Variants in PDGFC observed in about 807,000 individuals in gnomAD.
PDGFC encodes platelet derived growth factor C, also known as platelet-derived growth factor C.
A neutral mutation model predicts 35.5 loss-of-function variants in PDGFC; 12 were observed. The observed-to-expected ratio is 0.34, with a 90% CI of 0.22 to 0.55. The LOEUF (loss-of-function observed/expected upper bound fraction) is 0.55, where lower values mean the gene tolerates loss of function less well. Among genes scored for constraint, PDGFC ranks in the 20% least tolerant of loss-of-function variants. PDGFC has a pLI of 0.91. For missense variants in PDGFC, 322 were observed against 412.4 expected, an observed-to-expected ratio of 0.78 and a Z score of 1.90; for synonymous variants, 159 against 148.8, an observed-to-expected ratio of 1.07 and a Z score of -0.50.
At position 156,762,822 on chromosome 4, in the gene PDGFC, C is replaced by T; in HGVS notation, c.*268G>A. 3.2e-6 allele frequency: 1 copy of T among 315,124 alleles called. No homozygotes were observed. Among genetic ancestry groups the T allele is most frequent in the Non-Finnish European group, 5.9e-6 (1 of 168,480 alleles). 19.5% of individuals were successfully genotyped at this position (315,124 alleles called of 1,614,324 possible). On this transcript the variant is annotated 3_prime_UTR_variant, in exon 6 of 6. Coordinates refer to ENST00000502773, the MANE Select transcript of PDGFC (RefSeq NM_016205.3). Reference sequence around the variant, plus strand: ...ACGTACATGGTAACTCTGAAACTAGCTGGTGATCTATTTAATACAACATTT... The same window carrying T: ...ACGTACATGGTAACTCTGAAACTAGTTGGTGATCTATTTAATACAACATTT...
intron 1 of PDGFC, among the ~76,000 whole-genome samples, chr4:156,954,657 T>G (rs1193318572): frequency 6.6e-6 from 1 of 151,998 alleles, no homozygotes; most frequent in African/African-American, 2.4e-5. Flanking sequence ...GAAATAACAT[T>G]CTAAGCAGTC....
rs549228093 is a variant in PDGFC at position 156,811,420 on chromosome 4, C to T, written c.315-403G>A. On this transcript the variant is annotated intron_variant, in intron 2 of 5. Transcript: ENST00000502773. Reference sequence around the variant, plus strand: ...TATTTTCTGAGAGTAACTCTTTCATCCTGGCCAGGGGCCTTGGCTCTTTCC... The same window carrying T: ...TATTTTCTGAGAGTAACTCTTTCATTCTGGCCAGGGGCCTTGGCTCTTTCC... 1.3e-4 allele frequency among the ~76,000 whole-genome samples: 20 copies of T among 152,186 alleles called. No homozygotes were observed. In the East Asian group the frequency reaches 3.3e-3, roughly 25 times the overall value.
chr4:156,952,996 C>G (rs1732118931), intron 1 of PDGFC, among the ~76,000 whole-genome samples: 1 of 151,698 alleles, frequency 6.6e-6, no homozygotes. Flanking sequence ...TATGAAAACA[C>G]CAAGGGAAAT....
At chr4:156,812,755 A>G (rs1319984708) in intron 2 of PDGFC, among the ~76,000 whole-genome samples, 1 of 152,080 alleles carries the variant, frequency 6.6e-6, no homozygotes, top group African/African-American at 2.4e-5. Context: ...TACCTAACTC[A>G]GAGACATTTG....
At chr4:156,771,945 A>G (rs1221607535) in intron 4 of PDGFC, among the ~76,000 whole-genome samples, 1 of 152,180 alleles carries the variant, frequency 6.6e-6, no homozygotes, top group Non-Finnish European at 1.5e-5. Context: ...GTTACTAAAA[A>G]AATTAGGTAA....
chr4:156,895,489 G>A (rs979208654), intron 1 of PDGFC, among the ~76,000 whole-genome samples: 33 of 151,824 alleles, frequency 2.2e-4, no homozygotes, highest in African/African-American at 6.8e-4. Context: ...AAAATTAGCC[G>A]GGTGTTGTGG....
chr4:156,911,554 T>C (rs543235789), intron 1 of PDGFC, among the ~76,000 whole-genome samples: 3 of 152,144 alleles, frequency 2.0e-5, no homozygotes, highest in Non-Finnish European at 4.4e-5. Context: ...CTTTATGCTA[T>C]ATATATTATT....
rs116600838 is a variant in PDGFC at position 156,920,288 on chromosome 4, C to T, written c.118+50498G>A. 1.0e-3 allele frequency among the ~76,000 whole-genome samples: 154 copies of T among 152,322 alleles called. 1 individual carries two copies. Among genetic ancestry groups the T allele is most frequent in the African/African-American group, 3.5e-3 (147 of 41,572 alleles). ...CGGTTGTTTTGAATTGTTATTACAT[C>T]TAAGAAATGCATTACATAGAAAAAT... is the stretch of plus-strand genomic sequence containing the variant. On this transcript the variant is annotated intron_variant, in intron 1 of 5. Coordinates refer to ENST00000502773, the MANE Select transcript of PDGFC (RefSeq NM_016205.3).
chr4:156,896,587 T>C (rs555618443), intron 1 of PDGFC, among the ~76,000 whole-genome samples: 1 of 152,282 alleles, frequency 6.6e-6, no homozygotes, highest in Admixed American at 6.5e-5. Context: ...CTTAAAGAGT[T>C]GACACAATAT....
At chr4:156,860,285 C>G (rs1729679052) in intron 1 of PDGFC, among the ~76,000 whole-genome samples, 1 of 152,156 alleles carries the variant, frequency 6.6e-6, no homozygotes, top group South Asian at 2.1e-4. Context: ...TCAGATGCCA[C>G]AAGAAGATCT....
intron 1 of PDGFC, among the ~76,000 whole-genome samples, chr4:156,922,751 G>T (rs902015802): frequency 6.6e-6 from 1 of 152,158 alleles, no homozygotes; most frequent in African/African-American, 2.4e-5. Flanking sequence ...GGGTCGGGGG[G>T]TGTTCCACAT....
chr4:156,815,298 T>C (rs1579027325), intron 2 of PDGFC, among the ~76,000 whole-genome samples: 1 of 150,638 alleles, frequency 6.6e-6, no homozygotes, highest in African/African-American at 2.5e-5. Flanking sequence ...CTATGGAATT[T>C]AAAGTTATTA....
At chr4:156,855,302 AT>A (rs778260485) in intron 1 of PDGFC, among the ~76,000 whole-genome samples, 9 of 152,238 alleles carry the variant, frequency 5.9e-5, no homozygotes, top group Non-Finnish European at 1.3e-4. Flanking sequence ...TACATTATTA[AT>A]AAAGATAACA....
At chr4:156,888,076 C>T (rs924648758) in intron 1 of PDGFC, among the ~76,000 whole-genome samples, 1 of 149,342 alleles carries the variant, frequency 6.7e-6, no homozygotes, top group South Asian at 2.1e-4. Flanking sequence ...ACAGTTCAAA[C>T]AGGTCTAAAA....
At chr4:156,778,671 C>G (rs1488929486) in intron 3 of PDGFC, among the ~76,000 whole-genome samples, 2 of 152,142 alleles carry the variant, frequency 1.3e-5, no homozygotes, top group Non-Finnish European at 2.9e-5. Flanking sequence ...CATTACTTAC[C>G]TCTAAAAAAC....
At chr4:156,876,099 T>C (rs915430517) in intron 1 of PDGFC, among the ~76,000 whole-genome samples, 2 of 152,264 alleles carry the variant, frequency 1.3e-5, no homozygotes, top group African/African-American at 4.8e-5. Flanking sequence ...TACTTTCTTG[T>C]ATTGAAAAAC....
At chr4:156,851,850 G>A (rs1215934364) in intron 1 of PDGFC, among the ~76,000 whole-genome samples, 1 of 144,804 alleles carries the variant, frequency 6.9e-6, no homozygotes, top group Non-Finnish European at 1.5e-5. Context: ...AGAATGGTGT[G>A]AACCCAGAAG....
At chr4:156,798,597 A>T (rs2110906507) in intron 3 of PDGFC, among the ~76,000 whole-genome samples, 1 of 152,318 alleles carries the variant, frequency 6.6e-6, no homozygotes, top group South Asian at 2.1e-4. Flanking sequence ...AACATCACTC[A>T]TCATATTCCA....
intron 2 of PDGFC, among the ~76,000 whole-genome samples, chr4:156,849,065 A>AT (rs1173158668): frequency 1.3e-5 from 2 of 152,176 alleles, no homozygotes; most frequent in East Asian, 1.9e-4. Context: ...ATGTTTATAT[A>AT]TAAAAAAAGA....
Sources: allele counts gnomAD v4.1 joint callset (sites outside exome capture counted in the v4.1 genomes callset), GRCh38; gene constraint gnomAD v4.1.1; transcripts MANE v1.5; gene names NCBI Gene and HGNC (gene_info 2026-07-23, HGNC 2026-07-21).